Variants in TTN observed in about 807,000 individuals in gnomAD.
The protein encoded by TTN is titin.
In TTN, 1,525 loss-of-function variants were observed where a neutral mutation model predicts 3,223.0. The observed-to-expected ratio is 0.47, with a 90% confidence interval of 0.45 to 0.49. The LOEUF (loss-of-function observed/expected upper bound fraction) is 0.49. Among genes scored for constraint, TTN ranks in the 20% least tolerant of loss-of-function variants. The pLI, the probability that TTN is intolerant of heterozygous loss-of-function variation, is 0.00. For synonymous variants in TTN, 14,094 were observed against 15,161.0 expected (o/e 0.93, Z 5.17); for missense variants, 40,786 against 43,424.0 (o/e 0.94, Z 5.40).
Position 178,728,355 on chromosome 2 carries a change from A to G in TTN, c.19469T>C (p.Met6490Thr), listed in dbSNP as rs769527897. Residue 6490 changes from methionine to threonine, a missense_variant, in exon 67 of 363, where the codon ATG becomes ACG. By Grantham distance (81) the Met-to-Thr change is moderately conservative. Coordinates refer to ENST00000589042, the MANE Select transcript of TTN (RefSeq NM_001267550.2). ...PPSFTKKLTK[M>T]DKVLGSSIHM... is the part of the protein sequence containing the mutation. ...AATAGAAGAGCCCAGAACTTTATCC[A>G]TTTTGGTTAATTTTTTGGTGAATGA... 7 of 1,604,034 alleles carry G rather than the reference A, an allele frequency of 4.4e-6. No individual in the cohort carries two copies. Among genetic ancestry groups the G allele is most frequent in the Non-Finnish European group, 6.0e-6 (7 of 1,176,152 alleles).
At position 178,782,607 on chromosome 2, in the gene TTN, A is replaced by T. The variant is rs773482050; in HGVS notation, c.3101-5T>A. 1 of 1,613,814 alleles carries T rather than the reference A, an allele frequency of 6.2e-7. No individual in the cohort carries two copies. Among genetic ancestry groups the T allele is most frequent in the Non-Finnish European group, 8.5e-7 (1 of 1,179,878 alleles). Reference sequence around the variant, plus strand: ...CCTTTTCAAATTCTTCTGACACTAAAAGAAGACAAAAGTTTCTCATTGAGA... The same window carrying T: ...CCTTTTCAAATTCTTCTGACACTAATAGAAGACAAAAGTTTCTCATTGAGA... On this transcript the variant is annotated splice_polypyrimidine_tract_variant and splice_region_variant and intron_variant, in intron 18 of 362. Coordinates refer to ENST00000589042, the MANE Select transcript of TTN (RefSeq NM_001267550.2).
chr2:178,641,308 T>C lies in TTN; in HGVS notation c.40566A>G (p.Arg13522=), dbSNP rs2061203403. The C allele has an allele frequency of 6.7e-7, 1 of 1,487,962 alleles. No individual in the cohort carries two copies. Among genetic ancestry groups the C allele is most frequent in the Non-Finnish European group, 9.0e-7 (1 of 1,113,594 alleles). 92.2% of individuals were successfully genotyped at this position (1,487,962 alleles called of 1,614,324 possible). ...TAGGTTCTTCTTCTTCAGGTCTTTT[T>C]CTTAGAACTTTAAAGACAAAAAGGT... The part of the protein sequence containing the change: ...KEEVVLKSVL[R]KRPEEEEPKV... Residue 13522 remains arginine, a synonymous_variant, in exon 220 of 363, where the codon AGA becomes AGG. Transcript: ENST00000589042.
At chr2:178,588,427 A>T (rs2049511291) in intron 304 of TTN, 111 bp downstream of exon 304, 1 of 1,314,472 alleles carries the variant, frequency 7.6e-7, no homozygotes, top group African/African-American at 1.5e-5. Flanking sequence ...ATATTTGCTA[A>T]ATACAGTTTG....
At position 178,608,626 on chromosome 2, in the gene TTN, A is replaced by G. The variant is rs1216814159; in HGVS notation, c.52385T>C (p.Leu17462Pro). 13 of 1,610,966 alleles carry G rather than the reference A, an allele frequency of 8.1e-6. No individual in the cohort carries two copies. Among genetic ancestry groups the G allele is most frequent in the East Asian group, 2.2e-5 (1 of 44,506 alleles). ...GPGPPCVSKP[L>P]VAKDPFGPPD... Reference sequence around the variant, plus strand: ...CTTACCAAATGGATCTTTAGCCACAAGTGGCTTTGAAACACATGGTGGACC... The same window carrying G: ...CTTACCAAATGGATCTTTAGCCACAGGTGGCTTTGAAACACATGGTGGACC... The change falls in exon 274 of 363, where the codon CTT (leucine) becomes CCT (proline). Residue 17462 changes from leucine (L) to proline (P), a missense_variant. Coordinates refer to ENST00000589042, the MANE Select transcript of TTN (RefSeq NM_001267550.2).
At position 178,653,244 on chromosome 2, in the gene TTN, C is replaced by T. The variant is rs1363985751; in HGVS notation, c.38785G>A (p.Val12929Ile). The change falls in exon 198 of 363, where the codon GTT becomes ATT. Residue 12929 changes from valine to isoleucine, a missense_variant. Physicochemically the swap from Val to Ile is conservative, Grantham distance 29 (BLOSUM62 3). Transcript: ENST00000589042. ...APPKKPEVPP[V>I]KVPEAPKEVV... ...TAAGGTCAGTGACAAATACCTTTAA[C>T]AGGTGGGACTTCAGGCTTTTTAGGA... 1.2e-6 allele frequency: 2 copies of T among 1,611,962 alleles called. No homozygotes were observed. The highest frequency in any genetic ancestry group is 1.7e-6 in the Non-Finnish European group (2 of 1,179,300).
At position 178,591,862 on chromosome 2, in the gene TTN, T is replaced by C; in HGVS notation, c.59957A>G (p.His19986Arg). The change falls in exon 303 of 363, where the codon CAT (histidine) becomes CGT (arginine). Residue 19986 changes from histidine (H) to arginine (R), a missense_variant. Coordinates refer to ENST00000589042, the MANE Select transcript of TTN (RefSeq NM_001267550.2). ...GACTTCAGTCTTGTCAACATCTACA[T>C]GGTGCAGGTCCTTGGGTGGCCCTGG... ...HPPGPPKDLHHVDVDKTEVSL... is the reference protein window; with the variant it reads ...HPPGPPKDLHRVDVDKTEVSL... 4 of 1,613,214 alleles carry C rather than the reference T, an allele frequency of 2.5e-6. No homozygotes were observed. The highest frequency in any genetic ancestry group is 3.4e-6 in the Non-Finnish European group (4 of 1,179,532).
chr2:178,564,071 A>G lies in TTN; in HGVS notation c.82061T>C (p.Val27354Ala). ...GGQYILKLSN[V>A]GGTKSIPITV... ...GATGGGTATAGACTTTGTACCACCA[A>G]CATTGCTGAGTTTCAGAATATATTG... The change falls in exon 326 of 363, where the codon GTT (valine) becomes GCT (alanine). Residue 27354 changes from valine (V) to alanine (A), a missense_variant. Coordinates refer to ENST00000589042, the MANE Select transcript of TTN (RefSeq NM_001267550.2). 1 of 1,613,762 alleles carries G rather than the reference A, an allele frequency of 6.2e-7. No homozygotes were observed.
At position 178,561,986 on chromosome 2, in the gene TTN, G is replaced by A. The variant is rs762467183; in HGVS notation, c.84146C>T (p.Thr28049Ile). Reference protein sequence around the residue: ...NSAGSITVPITIIVLDRPGPP... With the variant: ...NSAGSITVPIIIIVLDRPGPP... ...TCCTGGTCTGTCAAGGACAATTATA[G>A]TAATAGGAACTGTTATGGATCCAGC... is the stretch of plus-strand genomic sequence containing the variant. Residue 28049 changes from threonine to isoleucine, a missense_variant, in exon 326 of 363, where the codon ACT (threonine) becomes ATT (isoleucine). Transcript: ENST00000589042. The A allele has an allele frequency of 6.2e-7, 1 of 1,613,392 alleles. No individual in the cohort carries two copies. Among genetic ancestry groups the A allele is most frequent in the South Asian group, 1.1e-5 (1 of 91,050 alleles).
chr2:178,745,783 G>C, intron 47 of TTN: 1 of 1,613,166 alleles, frequency 6.2e-7, no homozygotes, highest in Non-Finnish European at 8.5e-7. Flanking sequence ...GTCTTGGAGA[G>C]CCACGAACTA....
chr2:178,699,026 A>G (rs1577610048), intron 111 of TTN, 112 bp from the exon 112 acceptor site: 1 of 1,119,858 alleles, frequency 8.9e-7, no homozygotes, highest in East Asian at 2.6e-5. Flanking sequence ...CCATATGTTG[A>G]TAGTAGCGAG....
intron 240 of TTN, among the ~76,000 whole-genome samples, chr2:178,627,351 G>A (rs766824110): frequency 4.0e-4 from 61 of 151,838 alleles, no homozygotes; most frequent in African/African-American, 1.3e-3. Flanking sequence ...TTTTGAAGGC[G>A]AAAATTTTTA....
chr2:178,561,402 A>G lies in TTN; in HGVS notation c.84730T>C (p.Cys28244Arg), dbSNP rs1249814057. Residue 28244 changes from cysteine (C) to arginine (R), a missense_variant, in exon 326 of 363, where the codon TGT (cysteine) becomes CGT (arginine). Coordinates refer to ENST00000589042, the MANE Select transcript of TTN (RefSeq NM_001267550.2). The stretch of plus-strand genomic sequence containing the variant: ...GGATCTCTTGCAGGGACTGGTTCAC[A>G]AGATTTACTGCATTTACCAATTCCA... The part of the protein sequence containing the change: ...IAGIGKCSKS[C>R]EPVPARDPCD... The G allele has an allele frequency of 6.2e-7, 1 of 1,613,816 alleles. No individual in the cohort carries two copies. Among genetic ancestry groups the G allele is most frequent in the Non-Finnish European group, 8.5e-7 (1 of 1,179,798 alleles).
Position 178,548,589 on chromosome 2 carries a change from C to T in TTN, c.93037G>A (p.Val31013Met). 1.2e-6 allele frequency: 2 copies of T among 1,613,898 alleles called. No individual in the cohort carries two copies. The highest frequency in any genetic ancestry group is 2.2e-5 in the South Asian group (2 of 91,078). Residue 31013 changes from valine to methionine, a missense_variant, in exon 339 of 363, where the codon GTG (valine) becomes ATG (methionine). By Grantham distance (21) the Val-to-Met change is conservative. Transcript: ENST00000589042. The surrounding 1 kb of genome is among the most constrained non-coding windows in gnomAD (Gnocchi z 4.3). Reference protein sequence around the residue: ...GSKSITFTVKVLDTPGPPGPI... With the variant: ...GSKSITFTVKMLDTPGPPGPI... Reference sequence around the variant, plus strand: ...CCAGGTGGGCCTGGAGTGTCTAGCACTTTCACGGTGAATGTGATTGACTTA... The same window carrying T: ...CCAGGTGGGCCTGGAGTGTCTAGCATTTTCACGGTGAATGTGATTGACTTA...
intron 107 of TTN, 57 bp downstream of exon 107, chr2:178,702,397 C>A: frequency 6.2e-7 from 1 of 1,609,694 alleles, no homozygotes; most frequent in Non-Finnish European, 8.5e-7. Context: ...GGTAGAAATA[C>A]AGAAAACAGA....
Position 178,531,411 on chromosome 2 carries a change from C to T in TTN, c.105204G>A (p.Lys35068=). Residue 35068 remains lysine, a synonymous_variant, in exon 358 of 363, where the codon AAG becomes AAA. Coordinates refer to ENST00000589042, the MANE Select transcript of TTN (RefSeq NM_001267550.2). The part of the protein sequence containing the change: ...RTEAYAVSSF[K]KTSEMEASSS... ...ACGAAGCTTCCATCTCAGATGTTTT[C>T]TTAAATGATGAAACAGCATACGCCT... The T allele has an allele frequency of 6.2e-7, 1 of 1,614,022 alleles. No homozygotes were observed. Among genetic ancestry groups the T allele is most frequent in the Non-Finnish European group, 8.5e-7 (1 of 1,179,904 alleles).
At position 178,741,180 on chromosome 2, in the gene TTN, C is replaced by T; in HGVS notation, c.12053G>A (p.Gly4018Asp). 4 of 1,613,406 alleles carry T rather than the reference C, an allele frequency of 2.5e-6. No individual in the cohort carries two copies. Among genetic ancestry groups the T allele is most frequent in the South Asian group, 2.2e-5 (2 of 91,084 alleles). Residue 4018 changes from glycine to aspartate, a missense_variant, in exon 48 of 363, where the codon GGT becomes GAT. Gly to Asp is a moderately conservative substitution (Grantham distance 94). Transcript: ENST00000589042. ...CAGCTCTGCTGCACAGGTGGACTCA[C>T]CCAACATATTCTCTGCTTTACAGAT... ...LYICKAENML[G>D]ESTCAAELLV...
chr2:178,715,289 C>G, intron 89 of TTN, 25 bp from the exon 90 acceptor site: 1 of 1,575,768 alleles, frequency 6.3e-7, no homozygotes, highest in Non-Finnish European at 8.6e-7. Context: ...AAGGAAAATA[C>G]GGATGTATTC....
rs1356361274 is a variant in TTN, at chr2:178,536,557, C to T, written c.100190G>A (p.Gly33397Asp). 1.3e-6 allele frequency: 2 copies of T among 1,495,128 alleles called. No homozygotes were observed. Among genetic ancestry groups the T allele is most frequent in the Non-Finnish European group, 1.8e-6 (2 of 1,127,118 alleles). 92.6% of individuals were successfully genotyped at this position (1,495,128 alleles called of 1,614,324 possible). A position where few individuals can be genotyped will look rare whatever the true frequency, so the allele number is the denominator to read the frequency against. ...TGTGACAGCAGTAATAGTTGGTTTGCCAGGAGCACCTGGCTTTTCTATTAA... is the reference window on the plus strand; with the variant it reads ...TGTGACAGCAGTAATAGTTGGTTTGTCAGGAGCACCTGGCTTTTCTATTAA... The part of the protein sequence containing the change: ...KSPFEKPGAP[G>D]KPTITAVTKD... Residue 33397 changes from glycine (G) to aspartate (D), a missense_variant, in exon 357 of 363, where the codon GGC becomes GAC. Gly to Asp is a moderately conservative substitution (Grantham distance 94). Transcript: ENST00000589042.
At chr2:178,558,722 CTT>C (rs936002553) in intron 326 of TTN, 85 bp from the exon 327 acceptor site, 8 of 1,393,650 alleles carry the variant, frequency 5.7e-6, no homozygotes, top group South Asian at 2.7e-5. Context: ...CAAAAGAAAA[CTT>C]TTAAATGAAG....
Sources: gnomAD v4.1 joint callset for allele counts (sites outside exome capture counted in the v4.1 genomes callset) on GRCh38, gnomAD v4.1.1 for gene constraint, Gnocchi (gnomAD v3.1) non-coding constraint, MANE v1.5 for transcripts, NCBI Gene and HGNC (gene_info 2026-07-23, HGNC 2026-07-21) for gene names.